Variants in RBM25 observed in about 807,000 individuals in gnomAD.
RBM25 encodes the protein RNA binding motif protein 25, also known as RNA-binding protein 25.
In RBM25, 19 loss-of-function variants were observed where a neutral mutation model predicts 120.7. The ratio of observed to expected loss-of-function variants is 0.16; its 90% confidence interval spans 0.11 to 0.23. The LOEUF (loss-of-function observed/expected upper bound fraction) is 0.23. Ranked by LOEUF, RBM25 falls within the 10% of genes least tolerant of loss-of-function variation. The pLI is 1.00. For missense variants in RBM25, 605 were observed against 1,041.5 expected (o/e 0.58, Z 5.77); for synonymous variants, 390 against 326.7 (o/e 1.19, Z -2.09).
intron 1 of RBM25, 41 bp from the exon 2 acceptor site, chr14:73,071,586 G>T: frequency 7.2e-7 from 1 of 1,388,282 alleles, no homozygotes; most frequent in Non-Finnish European, 1.0e-6. Flanking sequence ...AAATTGTGAC[G>T]TTTTCAAATA....
rs1391969052 is a variant in RBM25 at position 73,120,915 on chromosome 14, A to AT, written c.*1113dup. The AT allele has an allele frequency of 1.3e-5, 2 of 152,098 alleles. No individual in the cohort carries two copies. The highest frequency in any genetic ancestry group is 3.9e-4 in the East Asian group (2 of 5,194). 9.4% of individuals were successfully genotyped at this position (152,098 alleles called of 1,614,324 possible). On this transcript the variant is annotated 3_prime_UTR_variant, in exon 19 of 19. Transcript: ENST00000261973. Reference sequence around the variant, plus strand: ...TCAAGGCAGTTACCAACCACTAACTATTTGTTTTCATTTTTGTCTTGTAGA... The same window carrying AT: ...TCAAGGCAGTTACCAACCACTAACTATTTTGTTTTCATTTTTGTCTTGTAGA...
At chr14:73,113,870 A>G (rs1896368567) in intron 17 of RBM25, among the ~76,000 whole-genome samples, 1 of 152,200 alleles carries the variant, frequency 6.6e-6, no homozygotes, top group South Asian at 2.1e-4. Flanking sequence ...CCACTAAGGT[A>G]TATCTTCCCA....
Position 73,109,589 on chromosome 14 carries a change from C to A in RBM25, c.1692+97C>A, listed in dbSNP as rs566463635. 3.5e-6 allele frequency: 4 copies of A among 1,135,738 alleles called. No homozygotes were observed. In the East Asian group the frequency reaches 1.0e-4, roughly 29 times the overall value. 70.4% of individuals were successfully genotyped at this position (1,135,738 alleles called of 1,614,324 possible). A position where few individuals can be genotyped will look rare whatever the true frequency, so the allele number is the denominator to read the frequency against. ...CGGGCGGATCACGAGGTCGGGAGAT[C>A]GAGATCATCCTGGCTAACACGGTGA... On this transcript the variant is annotated intron_variant, in intron 14 of 18. Transcript: ENST00000261973.
At chr14:73,083,655 T>C (rs1013769810) in intron 5 of RBM25, 104 bp downstream of exon 5, 3 of 725,778 alleles carry the variant, frequency 4.1e-6, no homozygotes, top group East Asian at 6.5e-5. Flanking sequence ...GTAAGACTTA[T>C]TTTATTAGCA....
At chr14:73,104,090 G>C (rs1408879350) in intron 10 of RBM25, among the ~76,000 whole-genome samples, 1 of 151,508 alleles carries the variant, frequency 6.6e-6, no homozygotes. Context: ...GAAACACAGT[G>C]GCCACTCAAT....
At position 73,089,815 on chromosome 14, in the gene RBM25, C is replaced by T. The variant is rs187992553; in HGVS notation, c.543+1654C>T. Reference sequence around the variant, plus strand: ...CCAAGTAGCTGGGATTACAGGTGTCCGCCACCAGGCTCGGCTACTTTTTGT... The same window carrying T: ...CCAAGTAGCTGGGATTACAGGTGTCTGCCACCAGGCTCGGCTACTTTTTGT... On this transcript the variant is annotated intron_variant, in intron 6 of 18. Transcript: ENST00000261973. 9.0e-4 allele frequency among the ~76,000 whole-genome samples: 136 copies of T among 151,306 alleles called. 1 individual carries two copies. The highest frequency in any genetic ancestry group is 2.1e-4 in the South Asian group (1 of 4,790).
chr14:73,077,458 T>C lies in RBM25; in HGVS notation c.246T>C (p.Asn82=), dbSNP rs1049493881. The change falls in exon 4 of 19, where the codon AAT becomes AAC. Residue 82 remains asparagine, a synonymous_variant. Coordinates refer to ENST00000261973, the MANE Select transcript of RBM25 (RefSeq NM_021239.3). ...PGLKAKENDE[N]CGPTTTVFVG... Reference sequence around the variant, plus strand: ...TAAAGGCTAAAGAAAATGATGAAAATTGTGGTCCTACTACCACTGTTTTTG... The same window carrying C: ...TAAAGGCTAAAGAAAATGATGAAAACTGTGGTCCTACTACCACTGTTTTTG... The C allele has an allele frequency of 1.9e-5, 30 of 1,613,894 alleles. No homozygotes were observed. The highest frequency in any genetic ancestry group is 2.4e-5 in the Non-Finnish European group (28 of 1,179,922).
rs1359562799 is a variant in RBM25, at chr14:73,102,231, C to T, written c.868-961C>T. The T allele has an allele frequency of 2.0e-5, 3 of 152,012 alleles. No homozygotes were observed. The South Asian group carries it at 6.2e-4, about 31-fold the overall frequency. 9.4% of individuals were successfully genotyped at this position (152,012 alleles called of 1,614,324 possible). ...TGTGTTTTGTTTTGTTTTGTTTTAC[C>T]TGTTTGGGGTATTTTTTTCTGAGTT... On this transcript the variant is annotated intron_variant, in intron 9 of 18. Coordinates refer to ENST00000261973, the MANE Select transcript of RBM25 (RefSeq NM_021239.3).
chr14:73,080,198 T>G (rs530510710), intron 4 of RBM25, among the ~76,000 whole-genome samples: 1 of 146,808 alleles, frequency 6.8e-6, no homozygotes, highest in South Asian at 2.1e-4. Flanking sequence ...TGTCCGAGTT[T>G]CTATTCTTAC....
rs1043639788 is a variant in RBM25 at position 73,123,185 on chromosome 14, C to G, written c.*3380C>G. 9.2e-5 allele frequency: 14 copies of G among 151,756 alleles called. No homozygotes were observed. Among genetic ancestry groups the G allele is most frequent in the Admixed American group, 2.6e-4 (4 of 15,168 alleles). 9.4% of individuals were successfully genotyped at this position (151,756 alleles called of 1,614,324 possible). On this transcript the variant is annotated 3_prime_UTR_variant, in exon 19 of 19. Coordinates refer to ENST00000261973, the MANE Select transcript of RBM25 (RefSeq NM_021239.3). Reference sequence around the variant, plus strand: ...GAAGCGTGCTGTTTCAGGTATTAATCTGCCATGAATACTAGATATAGTAGA... The same window carrying G: ...GAAGCGTGCTGTTTCAGGTATTAATGTGCCATGAATACTAGATATAGTAGA...
At chr14:73,066,005 T>C (rs754258703) in intron 1 of RBM25, among the ~76,000 whole-genome samples, 39 of 152,198 alleles carry the variant, frequency 2.6e-4, no homozygotes, top group Non-Finnish European at 5.3e-4. Context: ...GATAGCATAA[T>C]AAATTTGTTT....
chr14:73,075,277 G>C (rs143305537), intron 2 of RBM25, among the ~76,000 whole-genome samples: 3,431 of 151,980 alleles, frequency 0.023, 131 homozygotes, highest in African/African-American at 0.076. Flanking sequence ...TTCTGCCTCA[G>C]CCTCCCGAGT....
chr14:73,083,869 GAGA>G (rs1329630543), intron 5 of RBM25, among the ~76,000 whole-genome samples: 2 of 151,658 alleles, frequency 1.3e-5, no homozygotes, highest in Non-Finnish European at 2.9e-5. Context: ...ATTAGTAAGG[GAGA>G]AGAAGAGACA....
intron 1 of RBM25, chr14:73,068,386 G>A: frequency 2.1e-6 from 1 of 477,446 alleles, no homozygotes; most frequent in Non-Finnish European, 3.6e-6. Flanking sequence ...GCTTGTATTT[G>A]ATTTTTTTTT....
intron 10 of RBM25, among the ~76,000 whole-genome samples, chr14:73,105,447 A>T (rs975856704): frequency 1.3e-5 from 2 of 152,220 alleles, no homozygotes; most frequent in African/African-American, 2.4e-5. Flanking sequence ...CTTGATCTCT[A>T]GTAAGCTAAA....
chr14:73,081,938 T>G (rs540432165), intron 4 of RBM25, among the ~76,000 whole-genome samples: 2 of 152,344 alleles, frequency 1.3e-5, no homozygotes, highest in Admixed American at 1.3e-4. Context: ...TATTTGATTT[T>G]CTTATTTTTC....
chr14:73,096,748 TA>T (rs1388233660), intron 6 of RBM25, among the ~76,000 whole-genome samples, 166 bp from the exon 7 acceptor site: 1 of 152,154 alleles, frequency 6.6e-6, no homozygotes, highest in African/African-American at 2.4e-5. Flanking sequence ...AATAGTTAAA[TA>T]AAAAAATGAA....
chr14:73,088,273 CT>C, intron 6 of RBM25, 112 bp downstream of exon 6: 1 of 1,355,436 alleles, frequency 7.4e-7, no homozygotes, highest in Non-Finnish European at 1.1e-6. Flanking sequence ...CATGTATGTG[CT>C]TGTGGCTTAA....
At chr14:73,086,285 G>A (rs889774009) in intron 5 of RBM25, among the ~76,000 whole-genome samples, 4 of 151,758 alleles carry the variant, frequency 2.6e-5, no homozygotes, top group African/African-American at 4.8e-5. Flanking sequence ...TAAAAATACA[G>A]AAATTAGCTG....
Sources: gnomAD v4.1 joint callset for allele counts (sites outside exome capture counted in the v4.1 genomes callset) on GRCh38, gnomAD v4.1.1 for gene constraint, MANE v1.5 for transcripts, NCBI Gene and HGNC (gene_info 2026-07-23, HGNC 2026-07-21) for gene names.